The following RALGAPA2 variants were observed in gnomAD, a reference collection of about 807,000 sequenced individuals.
The protein encoded by RALGAPA2 is ral GTPase-activating protein subunit alpha-2.
In RALGAPA2, 139 loss-of-function variants were observed where a neutral mutation model predicts 230.4. That is an observed-to-expected ratio of 0.60 (90% CI 0.53 to 0.69). RALGAPA2 has a LOEUF of 0.69. RALGAPA2 is among the 30% of genes least tolerant of loss of function. RALGAPA2 has a pLI of 0.00. For missense variants in RALGAPA2, 2,163 were observed against 2,276.0 expected (o/e 0.95, Z 1.01); for synonymous variants, 847 against 837.8 (o/e 1.01, Z -0.19).
At chr20:20,556,467 C>T (rs543692798) in intron 23 of RALGAPA2, among the ~76,000 whole-genome samples, 1 of 152,296 alleles carries the variant, frequency 6.6e-6, no homozygotes, top group African/African-American at 2.4e-5. Flanking sequence ...TTACCAGCTG[C>T]ACCAATAGTG....
intron 15 of RALGAPA2, 115 bp from the exon 16 acceptor site, chr20:20,601,961 G>T: frequency 1.0e-6 from 1 of 960,566 alleles, no homozygotes; most frequent in Non-Finnish European, 1.4e-6. Context: ...AGGTTTCCTT[G>T]TCACAAATTA....
chr20:20,628,797 T>C (rs2066575167), intron 10 of RALGAPA2, among the ~76,000 whole-genome samples: 1 of 152,186 alleles, frequency 6.6e-6, no homozygotes, highest in Non-Finnish European at 1.5e-5. Flanking sequence ...GCTTCTGACC[T>C]CTTCTGTCTC....
At chr20:20,702,573 G>A (rs866571661) in intron 1 of RALGAPA2, among the ~76,000 whole-genome samples, 10 of 152,326 alleles carry the variant, frequency 6.6e-5, no homozygotes, top group Middle Eastern at 3.4e-3. Context: ...TACTCCTGCA[G>A]TGCTCAGTAA....
At chr20:20,680,486 G>A (rs1402544737) in intron 2 of RALGAPA2, among the ~76,000 whole-genome samples, 3 of 151,738 alleles carry the variant, frequency 2.0e-5, no homozygotes, top group Non-Finnish European at 4.4e-5. Context: ...TGCTATTTTT[G>A]CTAGCCATGT....
intron 23 of RALGAPA2, among the ~76,000 whole-genome samples, chr20:20,562,510 G>A (rs975543603): frequency 2.6e-5 from 4 of 152,080 alleles, no homozygotes; most frequent in African/African-American, 9.7e-5. Context: ...ATTAGATACC[G>A]GAAGATTTTG....
chr20:20,411,567 G>A (rs1286698356), intron 38 of RALGAPA2, among the ~76,000 whole-genome samples: 2 of 152,120 alleles, frequency 1.3e-5, no homozygotes, highest in African/African-American at 4.8e-5. Flanking sequence ...TGTAATGATG[G>A]ACCCCGGGAC....
chr20:20,397,520 T>C (rs1436271306), intron 38 of RALGAPA2, among the ~76,000 whole-genome samples: 1 of 120,954 alleles, frequency 8.3e-6, no homozygotes, highest in Non-Finnish European at 2.0e-5. Flanking sequence ...CAGTAGCTTC[T>C]CCTGAACTCT....
At chr20:20,427,599 T>C (rs1314860337) in intron 37 of RALGAPA2, among the ~76,000 whole-genome samples, 1 of 151,974 alleles carries the variant, frequency 6.6e-6, no homozygotes, top group East Asian at 1.9e-4. Context: ...GCCTTGTGTG[T>C]CCTTCATGTC....
intron 1 of RALGAPA2, among the ~76,000 whole-genome samples, chr20:20,704,740 G>C (rs2069526829): frequency 6.6e-6 from 1 of 152,190 alleles, no homozygotes; most frequent in South Asian, 2.1e-4. Context: ...CACTAAATGG[G>C]AAGAGATAGG....
chr20:20,591,688 A>ACG (rs2065295432), intron 16 of RALGAPA2, among the ~76,000 whole-genome samples: 1 of 151,986 alleles, frequency 6.6e-6, no homozygotes, highest in Non-Finnish European at 1.5e-5. Context: ...AGAAAACCAC[A>ACG]CACACACACA....
intron 26 of RALGAPA2, among the ~76,000 whole-genome samples, chr20:20,533,046 G>C (rs143194012): frequency 4.7e-5 from 7 of 150,022 alleles, no homozygotes; most frequent in Non-Finnish European, 8.9e-5. Flanking sequence ...AAAAAAAAAA[G>C]AAGAAAGAAA....
At chr20:20,530,016 C>T (rs1255033885) in intron 27 of RALGAPA2, among the ~76,000 whole-genome samples, 1 of 152,226 alleles carries the variant, frequency 6.6e-6, no homozygotes, top group Non-Finnish European at 1.5e-5. Flanking sequence ...TTGGAATCTA[C>T]ATTGATCTAT....
intron 23 of RALGAPA2, among the ~76,000 whole-genome samples, chr20:20,560,674 T>C (rs2064231030): frequency 6.6e-6 from 1 of 152,232 alleles, no homozygotes; most frequent in Admixed American, 6.5e-5. Flanking sequence ...TCAAAAATCA[T>C]TCCTCTCCAA....
At chr20:20,435,360 C>T (rs1222660548) in intron 37 of RALGAPA2, among the ~76,000 whole-genome samples, 1 of 152,162 alleles carries the variant, frequency 6.6e-6, no homozygotes, top group Non-Finnish European at 1.5e-5. Flanking sequence ...GCAGACAGCG[C>T]GTACTCTGCT....
intron 1 of RALGAPA2, among the ~76,000 whole-genome samples, chr20:20,709,365 G>A (rs1335093347): frequency 6.6e-6 from 1 of 151,952 alleles, no homozygotes; most frequent in African/African-American, 2.4e-5. Flanking sequence ...GTACATGCCT[G>A]TAGCCCCAGC....
At chr20:20,405,829 C>T (rs781016748) in intron 38 of RALGAPA2, among the ~76,000 whole-genome samples, 1 of 152,184 alleles carries the variant, frequency 6.6e-6, no homozygotes, top group Non-Finnish European at 1.5e-5. Context: ...AACATAATTA[C>T]GAGTGTTTGC....
chr20:20,527,880 C>A (rs535893407), intron 27 of RALGAPA2, among the ~76,000 whole-genome samples: 2 of 152,098 alleles, frequency 1.3e-5, no homozygotes, highest in Admixed American at 1.3e-4. Flanking sequence ...GGCAGAGTCA[C>A]CAGGTGGAAA....
chr20:20,687,701 G>A (rs1015401511), intron 1 of RALGAPA2, among the ~76,000 whole-genome samples: 2 of 152,166 alleles, frequency 1.3e-5, no homozygotes, highest in African/African-American at 4.8e-5. Flanking sequence ...CTAGGTTTGG[G>A]AAGGTTTGTT....
chr20:20,560,860 C>T (rs535097413), intron 23 of RALGAPA2, among the ~76,000 whole-genome samples: 1 of 152,308 alleles, frequency 6.6e-6, no homozygotes, highest in South Asian at 2.1e-4. Context: ...AGCTATATTC[C>T]AAAGAGCAGG....
Sources: allele counts gnomAD v4.1 joint callset (sites outside exome capture counted in the v4.1 genomes callset), GRCh38; gene constraint gnomAD v4.1.1; transcripts MANE v1.5; gene names NCBI Gene and HGNC (gene_info 2026-07-23, HGNC 2026-07-21).